MID1: variants seen among roughly 807,000 people sequenced by gnomAD.
MID1 encodes the protein E3 ubiquitin-protein ligase Midline-1.
Under a neutral mutation model 40.4 loss-of-function variants are expected in MID1, and 7 were observed. The ratio of observed to expected loss-of-function variants is 0.17; its 90% CI spans 0.10 to 0.33. The LOEUF (loss-of-function observed/expected upper bound fraction) is 0.33. Among genes scored for constraint, MID1 ranks in the 10% least tolerant of loss-of-function variants. MID1 has a pLI of 1.00. For synonymous variants in MID1, 229 were observed against 221.2 expected (o/e 1.04, Z -0.31); for missense variants, 367 against 558.5 (o/e 0.66, Z 3.46).
intron 1 of MID1, among the ~76,000 whole-genome samples, chrX:10,767,534 C>T (rs954826514): frequency 1.6e-4 from 18 of 111,092 alleles, no homozygotes; most frequent in Non-Finnish European, 2.5e-4. Flanking sequence ...TTAGCCAGGA[C>T]GGTCTCAATC....
At chrX:10,718,768 A>C (rs1423478775) in intron 1 of MID1, among the ~76,000 whole-genome samples, 18 of 111,474 alleles carry the variant, frequency 1.6e-4, no homozygotes, top group African/African-American at 5.9e-4. Context: ...AGACCAATAT[A>C]CCTGATGAAC....
chrX:10,454,039 C>T (rs1440519366), intron 9 of MID1, among the ~76,000 whole-genome samples: 1 of 112,441 alleles, frequency 8.9e-6, no homozygotes, highest in Non-Finnish European at 1.9e-5. Context: ...CAATAGCAAG[C>T]AGGCATTTGT....
At chrX:10,761,496 T>G (rs1458273067) in intron 1 of MID1, among the ~76,000 whole-genome samples, 1 of 112,173 alleles carries the variant, frequency 8.9e-6, no homozygotes, top group African/African-American at 3.2e-5. Flanking sequence ...TGTACTTCTT[T>G]GCTCCTTGTC....
At chrX:10,494,407 A>G (rs1363262640) in intron 4 of MID1, among the ~76,000 whole-genome samples, 1 of 111,739 alleles carries the variant, frequency 8.9e-6, no homozygotes, top group Non-Finnish European at 1.9e-5. Context: ...ACTATGAACA[A>G]TAATAATAGA....
chrX:10,583,676 A>G (rs1041833862), intron 1 of MID1, among the ~76,000 whole-genome samples: 10 of 112,475 alleles, frequency 8.9e-5, no homozygotes, highest in Non-Finnish European at 1.9e-4. Context: ...AGCAGGAACC[A>G]TGATGTTTTA....
chrX:10,739,138 G>A (rs910433150), intron 1 of MID1, among the ~76,000 whole-genome samples: 11 of 111,538 alleles, frequency 9.9e-5, no homozygotes, highest in African/African-American at 1.3e-4. Context: ...GTTGAGAAGC[G>A]GGTCAATTGG....
chrX:10,688,656 T>A (rs886137041), intron 1 of MID1, among the ~76,000 whole-genome samples: 2 of 111,804 alleles, frequency 1.8e-5, no homozygotes, highest in African/African-American at 6.5e-5. Context: ...ATTCAATTTT[T>A]TTTCTCAAAC....
intron 2 of MID1, among the ~76,000 whole-genome samples, chrX:10,555,797 C>T: frequency 9.0e-6 from 1 of 110,722 alleles, no homozygotes; most frequent in Admixed American, 9.6e-5. Context: ...GATTTTCCCC[C>T]TCAATAAATA....
intron 1 of MID1, among the ~76,000 whole-genome samples, chrX:10,762,335 A>G (rs940231953): frequency 1.2e-4 from 13 of 111,353 alleles, no homozygotes; most frequent in Non-Finnish European, 1.9e-5. Context: ...CTTTTTGCCC[A>G]GGGTCCAAAA....
intron 3 of MID1, among the ~76,000 whole-genome samples, chrX:10,516,520 C>T (rs189612215): frequency 9.2e-6 from 1 of 108,274 alleles, no homozygotes; most frequent in African/African-American, 3.4e-5. Context: ...ATGTCTCTGC[C>T]TCCTGAGTCC....
At position 10,456,488 on chromosome X, in the gene MID1, C is replaced by T. The variant is rs184641805; in HGVS notation, c.1448-1411G>A. Among the ~76,000 whole-genome samples the T allele has an allele frequency of 8.1e-4, 91 of 112,341 alleles. 1 individual carries two copies. Among genetic ancestry groups the T allele is most frequent in the African/African-American group, 2.9e-3 (90 of 30,979 alleles). On this transcript the variant is annotated intron_variant, in intron 8 of 9. Coordinates refer to ENST00000317552, the MANE Select transcript of MID1 (RefSeq NM_000381.4). ...TACAAAATCAGGCAGCCAGATTTGG[C>T]CCTTGAGCTATAGTTAGCTGGCTTT...
intron 2 of MID1, among the ~76,000 whole-genome samples, chrX:10,566,327 T>A (rs1259269420): frequency 2.7e-5 from 3 of 111,509 alleles, no homozygotes; most frequent in Non-Finnish European, 5.6e-5. Flanking sequence ...ATACAAGGAA[T>A]AAAAGGTCAC....
chrX:10,698,304 G>T (rs745909878), intron 1 of MID1, among the ~76,000 whole-genome samples: 1 of 111,977 alleles, frequency 8.9e-6, no homozygotes, highest in Non-Finnish European at 1.9e-5. Flanking sequence ...ACCAACTTGT[G>T]TTCGCCCTTG....
chrX:10,625,118 A>G (rs1429832910), upstream of MID1, among the ~76,000 whole-genome samples: 4 of 111,840 alleles, frequency 3.6e-5, no homozygotes, highest in Non-Finnish European at 7.5e-5. Flanking sequence ...CTCCAGAGAA[A>G]CATAAAACAG....
chrX:10,587,500 A>T (rs1022990399), intron 1 of MID1, among the ~76,000 whole-genome samples: 4 of 112,461 alleles, frequency 3.6e-5, no homozygotes, highest in Admixed American at 9.3e-5. Flanking sequence ...GGCATGACTT[A>T]TTACTCCAGG....
intron 3 of MID1, among the ~76,000 whole-genome samples, chrX:10,516,568 GT>G (rs1932432847): frequency 1.4e-5 from 1 of 73,752 alleles, no homozygotes; most frequent in Non-Finnish European, 2.4e-5. Flanking sequence ...TCTTGTGTGT[GT>G]GTGTGTGTGT....
At chrX:10,582,106 G>A (rs772736582) in intron 1 of MID1, among the ~76,000 whole-genome samples, 1 of 111,257 alleles carries the variant, frequency 9.0e-6, no homozygotes, top group South Asian at 3.8e-4. Flanking sequence ...CCTTGTTCTC[G>A]AAGTCCTACG....
At chrX:10,488,400 T>C (rs1357710868) in intron 4 of MID1, among the ~76,000 whole-genome samples, 2 of 112,248 alleles carry the variant, frequency 1.8e-5, no homozygotes, top group Non-Finnish European at 3.8e-5. Context: ...CAGCATGTAC[T>C]ACTTTAATTC....
intron 3 of MID1, among the ~76,000 whole-genome samples, chrX:10,495,936 A>G (rs1457531237): frequency 1.8e-5 from 2 of 112,593 alleles, no homozygotes; most frequent in African/African-American, 6.5e-5. Context: ...CAGCTGCAGA[A>G]TCTTTAACAT....
Sources: gnomAD v4.1 joint callset for allele counts (sites outside exome capture counted in the v4.1 genomes callset) on GRCh38, gnomAD v4.1.1 for gene constraint, MANE v1.5 for transcripts, NCBI Gene and HGNC (gene_info 2026-07-23, HGNC 2026-07-21) for gene names.